Variants in FHIP1A observed in about 807,000 individuals in gnomAD.
The protein encoded by FHIP1A is FHF complex subunit HOOK interacting protein 1A, also known as FHF complex subunit HOOK-interacting protein 1A.
A neutral mutation model predicts 88.6 loss-of-function variants in FHIP1A; 61 were observed. That is an observed-to-expected ratio of 0.69 (90% confidence interval 0.56 to 0.85). The LOEUF (loss-of-function observed/expected upper bound fraction) is 0.85. FHIP1A is among the 40% of genes least tolerant of loss of function. The pLI is 0.00. For missense variants in FHIP1A, 1,154 were observed against 1,273.5 expected, an observed-to-expected ratio of 0.91 and a Z score of 1.43; for synonymous variants, 478 against 496.0, an observed-to-expected ratio of 0.96 and a Z score of 0.48.
intron 7 of FHIP1A, among the ~76,000 whole-genome samples, chr4:151,605,589 A>AC (rs1351546729): frequency 6.6e-6 from 1 of 152,176 alleles, no homozygotes; most frequent in African/African-American, 2.4e-5. Context: ...CTGTGCTGAA[A>AC]CCATGCTTGA....
At chr4:151,410,233 AG>A (rs1732562654) in intron 1 of FHIP1A, among the ~76,000 whole-genome samples, 1 of 152,232 alleles carries the variant, frequency 6.6e-6, no homozygotes, top group African/African-American at 2.4e-5. Flanking sequence ...ACCCATTCAC[AG>A]CAGATCTAGC....
intron 5 of FHIP1A, among the ~76,000 whole-genome samples, chr4:151,584,629 C>T (rs1734139732): frequency 6.6e-6 from 1 of 152,052 alleles, no homozygotes; most frequent in African/African-American, 2.4e-5. Flanking sequence ...AAGCATCAGC[C>T]CCACGTATCT....
At chr4:151,491,861 C>A (rs142504768) in intron 3 of FHIP1A, among the ~76,000 whole-genome samples, 1 of 151,996 alleles carries the variant, frequency 6.6e-6, no homozygotes, top group Non-Finnish European at 1.5e-5. Flanking sequence ...ATTCTCATAT[C>A]AGACAAAACA....
intron 1 of FHIP1A, among the ~76,000 whole-genome samples, chr4:151,426,552 T>G (rs191398937): frequency 1.3e-3 from 202 of 152,316 alleles, no homozygotes; most frequent in African/African-American, 4.6e-3. Context: ...CTTACTGAAC[T>G]ATTGGTGAAT....
intron 4 of FHIP1A, 109 bp from the exon 5 acceptor site, chr4:151,577,340 TG>T: frequency 2.1e-6 from 2 of 949,728 alleles, no homozygotes; most frequent in Non-Finnish European, 3.1e-6. Context: ...ACATATCTTG[TG>T]GGCAGTGGCT....
chr4:151,656,813 C>G lies in FHIP1A; in HGVS notation c.2784C>G (p.Asp928Glu). 1.9e-6 allele frequency: 3 copies of G among 1,551,660 alleles called. No homozygotes were observed. Among genetic ancestry groups the G allele is most frequent in the Non-Finnish European group, 2.6e-6 (3 of 1,146,968 alleles). ...KIEQFASVER[D>E]FPGLLIQAQQ... The stretch of plus-strand genomic sequence containing the variant: ...AACAGTTTGCTTCTGTGGAGAGAGA[C>G]TTCCCAGGGCTCCTCATTCAAGCTC... Residue 928 changes from aspartate to glutamate, a missense_variant, in exon 13 of 14, where the codon GAC (aspartate) becomes GAG (glutamate). Physicochemically the swap from Asp to Glu is conservative, Grantham distance 45. Transcript: ENST00000435205. The surrounding 1 kb of genome is among the most constrained non-coding windows in gnomAD (Gnocchi z 4.2).
rs1439286531 is a variant in FHIP1A at position 151,574,908 on chromosome 4, A to G, written c.106-2542A>G. Among the ~76,000 whole-genome samples, 5 of 135,408 alleles carry G rather than the reference A, an allele frequency of 3.7e-5. No homozygotes were observed. The East Asian group carries it at 6.1e-4, about 17-fold the overall frequency. The allele number at this position is 135,408 out of a possible 152,430, so 88.8% of individuals were successfully genotyped here. A position where few individuals can be genotyped will look rare whatever the true frequency, so the allele number is the denominator to read the frequency against. ...CTTATTCTTGACCATTTGAGTCAAT[A>G]GTATTTTTTTTTTCATTATTGGAAA... On this transcript the variant is annotated intron_variant, in intron 4 of 13. Transcript: ENST00000435205.
intron 3 of FHIP1A, among the ~76,000 whole-genome samples, chr4:151,484,103 C>T (rs1729995000): frequency 6.6e-6 from 1 of 152,104 alleles, no homozygotes; most frequent in African/African-American, 2.4e-5. Flanking sequence ...GGGCTTTTCC[C>T]AGTTAACTCC....
chr4:151,505,862 T>C (rs1456675712), intron 3 of FHIP1A, among the ~76,000 whole-genome samples: 1 of 152,176 alleles, frequency 6.6e-6, no homozygotes, highest in Non-Finnish European at 1.5e-5. Context: ...TAACTACTGG[T>C]TACTTTCCAA....
chr4:151,505,071 A>C (rs1560735973), intron 3 of FHIP1A, among the ~76,000 whole-genome samples: 2 of 152,084 alleles, frequency 1.3e-5, no homozygotes, highest in East Asian at 3.9e-4. Context: ...TATGTCCTCC[A>C]TGTGACACAG....
intron 1 of FHIP1A, among the ~76,000 whole-genome samples, chr4:151,414,618 G>A (rs996859372): frequency 7.9e-5 from 12 of 152,128 alleles, no homozygotes; most frequent in Admixed American, 5.9e-4. Flanking sequence ...ATTCTCAGAA[G>A]GCATTACTAA....
intron 3 of FHIP1A, among the ~76,000 whole-genome samples, chr4:151,552,067 A>C (rs547759279): frequency 3.3e-5 from 5 of 152,314 alleles, no homozygotes; most frequent in African/African-American, 1.2e-4. Flanking sequence ...CCAAAAAACA[A>C]ATGAAAAAGT....
chr4:151,661,658 G>T (rs1396824634), intron 13 of FHIP1A, among the ~76,000 whole-genome samples: 1 of 152,094 alleles, frequency 6.6e-6, no homozygotes, highest in Non-Finnish European at 1.5e-5. Flanking sequence ...GAGGGCTGAT[G>T]ATGTTCAGGA....
chr4:151,604,584 C>T (rs889670680), intron 7 of FHIP1A, among the ~76,000 whole-genome samples: 1 of 152,128 alleles, frequency 6.6e-6, no homozygotes, highest in Non-Finnish European at 1.5e-5. Flanking sequence ...CATGGTGGCT[C>T]ACGCCTGTAA....
chr4:151,482,878 C>T (rs1331655180), intron 3 of FHIP1A, among the ~76,000 whole-genome samples: 1 of 152,016 alleles, frequency 6.6e-6, no homozygotes, highest in Non-Finnish European at 1.5e-5. Context: ...TTCTAAGCAT[C>T]CTGTTTTCTC....
At chr4:151,583,236 T>C (rs4605628) in intron 5 of FHIP1A, among the ~76,000 whole-genome samples, 2,853 of 152,356 alleles carry the variant, frequency 0.019, 40 homozygotes, top group Non-Finnish European at 0.031. Flanking sequence ...TAAGACTATG[T>C]AATACTCTTT....
rs557644074 is a variant in FHIP1A at position 151,595,285 on chromosome 4, C to G, written c.978+6359C>G. 3.3e-5 allele frequency among the ~76,000 whole-genome samples: 5 copies of G among 152,180 alleles called. No homozygotes were observed. In the South Asian group the frequency reaches 6.2e-4, roughly 19 times the overall value. On this transcript the variant is annotated intron_variant, in intron 7 of 13. Coordinates refer to ENST00000435205, the MANE Select transcript of FHIP1A (RefSeq NM_001109977.3). ...ATTCTGCCTTAATTTCATTATTTAC[C>G]CAGTAGTTATTCAGGAGCAGGTTGT...
intron 2 of FHIP1A, among the ~76,000 whole-genome samples, chr4:151,467,760 A>G (rs1272495064): frequency 6.6e-6 from 1 of 152,120 alleles, no homozygotes; most frequent in Non-Finnish European, 1.5e-5. Flanking sequence ...GTTCTCAATT[A>G]TAATTGGGTG....
intron 2 of FHIP1A, among the ~76,000 whole-genome samples, chr4:151,476,497 C>T (rs1179379913): frequency 1.3e-5 from 2 of 152,026 alleles, no homozygotes; most frequent in African/African-American, 4.8e-5. Flanking sequence ...GGAAAATACC[C>T]TTAGCAAAGT....
Sources: allele counts gnomAD v4.1 joint callset (sites outside exome capture counted in the v4.1 genomes callset), GRCh38; gene constraint gnomAD v4.1.1; non-coding constraint Gnocchi (gnomAD v3.1); transcripts MANE v1.5; gene names NCBI Gene and HGNC (gene_info 2026-07-23, HGNC 2026-07-21).